PGM1: variants seen among roughly 807,000 people sequenced by gnomAD.
The protein encoded by PGM1 is phosphoglucomutase 1, also known as phosphoglucomutase-1.
PGM1 carries 52 observed loss-of-function variants against 55.6 expected under a neutral mutation model. The ratio of observed to expected loss-of-function variants is 0.94; its 90% CI spans 0.75 to 1.18. PGM1 has a LOEUF of 1.18. Among genes scored for constraint, PGM1 ranks in the 50% most tolerant of loss-of-function variants. The pLI, the probability that PGM1 is intolerant of heterozygous loss-of-function variation, is 0.00. For missense variants in PGM1, 724 were observed against 729.3 expected, an observed-to-expected ratio of 0.99 and a Z score of 0.08; for synonymous variants, 287 against 271.7, an observed-to-expected ratio of 1.06 and a Z score of -0.55.
chr1:63,599,289 C>G (rs1490663558), intron 1 of PGM1, among the ~76,000 whole-genome samples: 1 of 152,076 alleles, frequency 6.6e-6, no homozygotes, highest in Non-Finnish European at 1.5e-5. Context: ...CCTCAGCCTC[C>G]TGAGTAGGTG....
At chr1:63,640,690 A>T (rs1032064717) in intron 7 of PGM1, among the ~76,000 whole-genome samples, 2 of 152,236 alleles carry the variant, frequency 1.3e-5, no homozygotes, top group African/African-American at 2.4e-5. Context: ...TGAAGACAGG[A>T]TAGCACAAGC....
intron 1 of PGM1, among the ~76,000 whole-genome samples, chr1:63,620,869 A>G (rs1648863109): frequency 6.6e-6 from 1 of 152,202 alleles, no homozygotes; most frequent in Non-Finnish European, 1.5e-5. Flanking sequence ...AGGCGAATTC[A>G]TTAGGCCAAA....
rs144060237 is a variant in PGM1, at chr1:63,633,520, G to A, written c.683-1309G>A. ...TATTCTACAGTGTTATGACCTCTGG[G>A]GCATGTACTGTATTGGGATTAGTAC... On this transcript the variant is annotated intron_variant, in intron 4 of 10. Coordinates refer to ENST00000371084, the MANE Select transcript of PGM1 (RefSeq NM_002633.3). 1.2e-3 allele frequency among the ~76,000 whole-genome samples: 187 copies of A among 152,212 alleles called. 2 individuals carry two copies. The highest frequency in any genetic ancestry group is 4.3e-3 in the African/African-American group (179 of 41,536).
intron 1 of PGM1, among the ~76,000 whole-genome samples, chr1:63,601,833 A>G (rs1648252221): frequency 1.3e-5 from 2 of 152,172 alleles, no homozygotes; most frequent in Admixed American, 6.6e-5. Context: ...AGCTTCTCCA[A>G]ATCACCACTG....
chr1:63,603,339 G>T (rs1174020966), intron 1 of PGM1, among the ~76,000 whole-genome samples: 5 of 152,192 alleles, frequency 3.3e-5, no homozygotes, highest in African/African-American at 1.2e-4. Context: ...TGAGGATAAT[G>T]CTAATCTGGG....
chr1:63,613,326 T>C (rs1444987947), intron 1 of PGM1, among the ~76,000 whole-genome samples: 6 of 144,378 alleles, frequency 4.2e-5, no homozygotes, highest in African/African-American at 1.6e-4. Flanking sequence ...TGTAACAAAC[T>C]GTGTGGCTTA....
rs750471758 is a variant in PGM1, at chr1:63,651,720, C to T, written c.1332C>T (p.Asp444=). Reference sequence around the variant, plus strand: ...AGGGCGCAAACAAAATGATGAAGGACTTGGAGGCCCTGATGTTTGATCGCT... The same window carrying T: ...AGGGCGCAAACAAAATGATGAAGGATTTGGAGGCCCTGATGTTTGATCGCT... ...EAEGANKMMK[D]LEALMFDRSF... The change falls in exon 9 of 11, where the codon GAC becomes GAT. Residue 444 remains aspartate (D), a synonymous_variant. Coordinates refer to ENST00000371084, the MANE Select transcript of PGM1 (RefSeq NM_002633.3). 1.9e-6 allele frequency: 3 copies of T among 1,613,858 alleles called. No homozygotes were observed. The highest frequency in any genetic ancestry group is 1.7e-6 in the Non-Finnish European group (2 of 1,179,810).
chr1:63,599,137 C>T (rs899184612), intron 1 of PGM1, among the ~76,000 whole-genome samples: 2 of 152,000 alleles, frequency 1.3e-5, no homozygotes, highest in African/African-American at 4.8e-5. Flanking sequence ...ATCCCTGGGG[C>T]AGGGATGACT....
At chr1:63,633,422 C>A (rs1159358030) in intron 4 of PGM1, among the ~76,000 whole-genome samples, 1 of 152,284 alleles carries the variant, frequency 6.6e-6, no homozygotes, top group Non-Finnish European at 1.5e-5. Context: ...TCCCTCACAG[C>A]CCTGGCTGCC....
intron 7 of PGM1, among the ~76,000 whole-genome samples, chr1:63,639,070 A>G (rs1649444024): frequency 6.6e-6 from 1 of 152,200 alleles, no homozygotes; most frequent in Non-Finnish European, 1.5e-5. Context: ...TTGAGTCTGC[A>G]GGGATTAAAC....
intron 1 of PGM1, among the ~76,000 whole-genome samples, chr1:63,602,849 G>A (rs1349480788): frequency 2.0e-5 from 3 of 152,170 alleles, no homozygotes; most frequent in Non-Finnish European, 4.4e-5. Context: ...GAAGGTTTGT[G>A]TTGGAGGCTA....
At chr1:63,600,161 CTTT>C in intron 1 of PGM1, 1 of 152,154 alleles carries the variant, frequency 6.6e-6, no homozygotes, top group Non-Finnish European at 1.5e-5. Flanking sequence ...AGGCAGGACT[CTTT>C]TTTAGAGCCG....
intron 1 of PGM1, among the ~76,000 whole-genome samples, chr1:63,626,404 C>T (rs1023579240): frequency 2.0e-5 from 3 of 152,140 alleles, no homozygotes; most frequent in African/African-American, 7.2e-5. Flanking sequence ...CTGGTAACCT[C>T]TGTACTACTT....
rs1380342652 is a variant in PGM1, at chr1:63,651,721, T to C, written c.1333T>C (p.Leu445=). The C allele has an allele frequency of 6.2e-7, 1 of 1,613,814 alleles. No individual in the cohort carries two copies. The highest frequency in any genetic ancestry group is 8.5e-7 in the Non-Finnish European group (1 of 1,179,808). Residue 445 remains leucine (L), a synonymous_variant, in exon 9 of 11, where the codon TTG becomes CTG. Coordinates refer to ENST00000371084, the MANE Select transcript of PGM1 (RefSeq NM_002633.3). ...GGGCGCAAACAAAATGATGAAGGACTTGGAGGCCCTGATGTTTGATCGCTC... is the reference window on the plus strand; with the variant it reads ...GGGCGCAAACAAAATGATGAAGGACCTGGAGGCCCTGATGTTTGATCGCTC... ...AEGANKMMKD[L]EALMFDRSFV...
At chr1:63,619,324 C>T (rs1403575912) in intron 1 of PGM1, among the ~76,000 whole-genome samples, 1 of 152,098 alleles carries the variant, frequency 6.6e-6, no homozygotes, top group East Asian at 1.9e-4. Context: ...GAAAAAGGGT[C>T]AGAGGAAAGA....
chr1:63,642,668 A>G (rs1392309428), intron 7 of PGM1, among the ~76,000 whole-genome samples: 3 of 152,298 alleles, frequency 2.0e-5, no homozygotes, highest in East Asian at 1.9e-4. Flanking sequence ...TGAACTTGGT[A>G]TCACTTAGAG....
At chr1:63,602,349 T>G (rs855320) in intron 1 of PGM1, among the ~76,000 whole-genome samples, 115,654 of 152,166 alleles carry the variant, frequency 0.76, 44,574 homozygotes, top group African/African-American at 0.87. Flanking sequence ...AAGAATCTTC[T>G]CAGATTTAAG....
chr1:63,615,379 C>T (rs1648680627), intron 1 of PGM1, among the ~76,000 whole-genome samples: 1 of 152,078 alleles, frequency 6.6e-6, no homozygotes, highest in Admixed American at 6.5e-5. Context: ...TTTATGGAAA[C>T]TCTGGCTTAC....
chr1:63,594,372 C>A (rs1647975036), intron 1 of PGM1, among the ~76,000 whole-genome samples: 1 of 152,256 alleles, frequency 6.6e-6, no homozygotes, highest in East Asian at 1.9e-4. Context: ...CTGCCCTTTG[C>A]GCGGCCTGCT....
Sources: gnomAD v4.1 joint callset for allele counts (sites outside exome capture counted in the v4.1 genomes callset) on GRCh38, gnomAD v4.1.1 for gene constraint, MANE v1.5 for transcripts, NCBI Gene and HGNC (gene_info 2026-07-23, HGNC 2026-07-21) for gene names.